The following SCN4A variants were observed in gnomAD, a reference collection of about 807,000 sequenced individuals.
The protein encoded by SCN4A is sodium voltage-gated channel alpha subunit 4.
A neutral mutation model predicts 162.0 loss-of-function variants in SCN4A; 83 were observed. The observed-to-expected ratio is 0.51, with a 90% CI of 0.43 to 0.61. The LOEUF is 0.61. SCN4A is among the 20% of genes least tolerant of loss of function. SCN4A has a pLI of 0.00. For missense variants in SCN4A, 2,196 were observed against 2,462.5 expected, an observed-to-expected ratio of 0.89 and a Z score of 2.29; for synonymous variants, 944 against 985.1, an observed-to-expected ratio of 0.96 and a Z score of 0.78.
At chr17:63,967,772 A>C (rs1054783890) in intron 6 of SCN4A, among the ~76,000 whole-genome samples, 12 of 151,934 alleles carry the variant, frequency 7.9e-5, no homozygotes, top group African/African-American at 2.7e-4. Context: ...ATCTTTACTA[A>C]AAATACAAAA....
rs1184174463 is a variant in SCN4A, at chr17:63,951,535, G to A, written c.2742C>T (p.Phe914=). Residue 914 remains phenylalanine (F), a synonymous_variant, in exon 14 of 24, where the codon TTC becomes TTT. Coordinates refer to ENST00000435607, the MANE Select transcript of SCN4A (RefSeq NM_000334.4). This position sits in a 1 kb window ranked among gnomAD's most constrained non-coding sequence, Gnocchi z 4.5. ...PSSLELDHLN[F]INNPYLTIQV... ...GTATGGTCAGGTAGGGGTTGTTGATGAAGTTAAGGTGGTCCAGCTCGAGGC... is the reference window on the plus strand; with the variant it reads ...GTATGGTCAGGTAGGGGTTGTTGATAAAGTTAAGGTGGTCCAGCTCGAGGC... 2 of 1,613,994 alleles carry A rather than the reference G, an allele frequency of 1.2e-6. No individual in the cohort carries two copies. The highest frequency in any genetic ancestry group is 1.1e-5 in the South Asian group (1 of 91,076).
chr17:63,962,765 CCAAA>C (rs1393930264), intron 10 of SCN4A, among the ~76,000 whole-genome samples: 4 of 152,068 alleles, frequency 2.6e-5, no homozygotes, highest in Non-Finnish European at 5.9e-5. Flanking sequence ...CTGCAGGTGC[CCAAA>C]CAGTGTCTGA....
Position 63,971,209 on chromosome 17 carries a change from C to G in SCN4A, c.656G>C (p.Arg219Thr), listed in dbSNP as rs1909598313. Residue 219 changes from arginine to threonine, a missense_variant, in exon 5 of 24, where the codon AGG becomes ACG. Arg to Thr is a moderately conservative substitution (Grantham distance 71, BLOSUM62 -1). Transcript: ENST00000435607. ...GAGGGCCCGCAGCACCCGGAAGGTC[C>G]TCAGGGCTGAGATGTTGCCCAAGTC... ...FVDLGNISALRTFRVLRALKT... is the reference protein window; with the variant it reads ...FVDLGNISALTTFRVLRALKT... The G allele has an allele frequency of 6.4e-7, 1 of 1,566,898 alleles. No homozygotes were observed. Among genetic ancestry groups the G allele is most frequent in the South Asian group, 1.2e-5 (1 of 85,118 alleles).
intron 23 of SCN4A, among the ~76,000 whole-genome samples, chr17:63,942,384 T>C (rs1908571242): frequency 6.6e-6 from 1 of 152,036 alleles, no homozygotes; most frequent in African/African-American, 2.4e-5. Context: ...GTGCCTCAAT[T>C]TCCTTACCTG....
chr17:63,948,995 G>T (rs535103868), intron 15 of SCN4A, among the ~76,000 whole-genome samples: 5 of 152,206 alleles, frequency 3.3e-5, no homozygotes, highest in Non-Finnish European at 7.3e-5. Flanking sequence ...GGATGGGCAT[G>T]CAGAGGAAAG....
intron 5 of SCN4A, 87 bp from the exon 6 acceptor site, chr17:63,968,442 C>A: frequency 9.3e-7 from 1 of 1,069,556 alleles, no homozygotes; most frequent in Non-Finnish European, 1.4e-6. Context: ...AAGCTTTTTC[C>A]TACTCCATCT....
At chr17:63,964,002 G>A (rs1295193863) in intron 9 of SCN4A, among the ~76,000 whole-genome samples, 177 bp from the exon 10 acceptor site, 1 of 152,100 alleles carries the variant, frequency 6.6e-6, no homozygotes, top group Non-Finnish European at 1.5e-5. Flanking sequence ...GGGTGACAGG[G>A]TAGGGACCAA....
chr17:63,945,477 G>C lies in SCN4A; in HGVS notation c.3603C>G (p.Ser1201=). 6.2e-7 allele frequency: 1 copy of C among 1,613,968 alleles called. No individual in the cohort carries two copies. The highest frequency in any genetic ancestry group is 8.5e-7 in the Non-Finnish European group (1 of 1,179,866). The change falls in exon 19 of 24, where the codon TCC becomes TCG. Residue 1201 remains serine, a synonymous_variant. Coordinates refer to ENST00000435607, the MANE Select transcript of SCN4A (RefSeq NM_000334.4). This position sits in a 1 kb window ranked among gnomAD's most constrained non-coding sequence, Gnocchi z 4.4. ...NTTTSERFDI[S]EVNNKSECES... ...CGCACTCAGACTTGTTGTTGACCTC[G>C]GAGATGTCGAACCTCTCAGAGGTGG... is the stretch of plus-strand genomic sequence containing the variant.
intron 5 of SCN4A, among the ~76,000 whole-genome samples, chr17:63,969,062 C>T (rs985853731): frequency 3.9e-5 from 6 of 152,170 alleles, no homozygotes; most frequent in East Asian, 1.9e-4. Flanking sequence ...AGGCTGGTCT[C>T]GAACTCCTGG....
chr17:63,947,002 T>TCCCCCCTACCCCCCCCCC, intron 18 of SCN4A, 43 bp downstream of exon 18: 1 of 1,449,440 alleles, frequency 6.9e-7, no homozygotes, highest in Non-Finnish European at 9.5e-7. Flanking sequence ...AGGTGGCCGG[T>TCCCCCCTACCCCCCCCCC]CCCCCATCCC....
In SCN4A at chr17:63,950,551, C is replaced by T. The variant is rs1273056570; in HGVS notation, c.2853+873G>A. 6.6e-6 allele frequency among the ~76,000 whole-genome samples: 1 copy of T among 152,214 alleles called. No homozygotes were observed. Among genetic ancestry groups the T allele is most frequent in the East Asian group, 1.9e-4 (1 of 5,196 alleles). On this transcript the variant is annotated intron_variant, in intron 14 of 23. Transcript: ENST00000435607. The surrounding 1 kb of genome is among the most constrained non-coding windows in gnomAD (Gnocchi z 4.6). ...TGCCTGGGTATTTATAGCTCACAGG[C>T]ACTCGCTTCCTGGTAAGCCAGCATA...
rs1289461335 is a variant in SCN4A, at chr17:63,961,285, T to C, written c.1753A>G (p.Thr585Ala). 5.6e-6 allele frequency: 9 copies of C among 1,612,686 alleles called. No individual in the cohort carries two copies. The highest frequency in any genetic ancestry group is 7.6e-6 in the Non-Finnish European group (9 of 1,179,678). ...AGGGTGTTGAGCACGATGCAGATGG[T>C]GATGCCCAGGTCCACGAACGGGTCC... ...VMDPFVDLGI[T>A]ICIVLNTLFM... is the part of the protein sequence containing the mutation. The change falls in exon 11 of 24, where the codon ACC (threonine) becomes GCC (alanine). Residue 585 changes from threonine to alanine, a missense_variant. Transcript: ENST00000435607.
chr17:63,944,400 C>A lies in SCN4A; in HGVS notation c.3912+273G>T, dbSNP rs560308459. 6.6e-6 allele frequency among the ~76,000 whole-genome samples: 1 copy of A among 152,104 alleles called. No individual in the cohort carries two copies. The highest frequency in any genetic ancestry group is 2.4e-5 in the African/African-American group (1 of 41,394). ...CGAACTCCTGACCTTGTGATCCGCC[C>A]GCCTCGGCCTCCCAAAGTGCTGGGA... On this transcript the variant is annotated intron_variant, in intron 21 of 23. Transcript: ENST00000435607. This position sits in a 1 kb window ranked among gnomAD's most constrained non-coding sequence, Gnocchi z 4.3.
intron 15 of SCN4A, 66 bp downstream of exon 15, chr17:63,949,327 A>G (rs1908830454): frequency 1.3e-6 from 2 of 1,493,352 alleles, no homozygotes; most frequent in Non-Finnish European, 1.8e-6. Context: ...GTCCTGGTGT[A>G]GCCTGCCCCT....
rs1909345902 is a variant in SCN4A at position 63,963,770 on chromosome 17, C to T, written c.1508G>A (p.Gly503Asp). 2 of 1,608,296 alleles carry T rather than the reference C, an allele frequency of 1.2e-6. No homozygotes were observed. Among genetic ancestry groups the T allele is most frequent in the African/African-American group, 1.3e-5 (1 of 74,850 alleles). Residue 503 changes from glycine to aspartate, a missense_variant, in exon 10 of 24, where the codon GGC becomes GAC. Physicochemically the swap from Gly to Asp is moderately conservative, Grantham distance 94. Coordinates refer to ENST00000435607, the MANE Select transcript of SCN4A (RefSeq NM_000334.4). ...GGEADGDPAH[G>D]KDCNGSLDTS... The stretch of plus-strand genomic sequence containing the variant: ...GTCCAGGCTGCCATTGCAGTCTTTG[C>T]CATGGGCTGGGTCCCCATCTGCCTC...
intron 15 of SCN4A, 100 bp downstream of exon 15, chr17:63,949,293 C>T (rs1174709053): frequency 5.4e-6 from 7 of 1,307,390 alleles, no homozygotes; most frequent in East Asian, 5.1e-5. Flanking sequence ...GATGGCCAGG[C>T]AGCCCCAGGT....
At chr17:63,969,869 C>T (rs1567828741) in intron 5 of SCN4A, among the ~76,000 whole-genome samples, 1 of 152,084 alleles carries the variant, frequency 6.6e-6, no homozygotes, top group Non-Finnish European at 1.5e-5. Flanking sequence ...TCTCAGAGTC[C>T]TGACCCCAAG....
At chr17:63,958,849 A>G (rs984677330) in intron 12 of SCN4A, among the ~76,000 whole-genome samples, 5 of 152,224 alleles carry the variant, frequency 3.3e-5, no homozygotes, top group Non-Finnish European at 7.3e-5. Flanking sequence ...CACCGCGTCC[A>G]GCTGATAAAG....
chr17:63,968,859 A>ATTATTTAT (rs1909535047), intron 5 of SCN4A, among the ~76,000 whole-genome samples: 1 of 152,110 alleles, frequency 6.6e-6, no homozygotes, highest in Non-Finnish European at 1.5e-5. Flanking sequence ...GTATTTATTT[A>ATTATTTAT]GAGAGAGTCT....
Sources: allele counts gnomAD v4.1 joint callset (sites outside exome capture counted in the v4.1 genomes callset), GRCh38; gene constraint gnomAD v4.1.1; non-coding constraint Gnocchi (gnomAD v3.1); transcripts MANE v1.5; gene names NCBI Gene and HGNC (gene_info 2026-07-23, HGNC 2026-07-21).